Variants in TACR3 observed in about 807,000 individuals in gnomAD.
TACR3 encodes the protein neuromedin-K receptor.
In TACR3, 34 loss-of-function variants were observed where a neutral mutation model predicts 35.0. The observed-to-expected ratio is 0.97, with a 90% CI of 0.74 to 1.30. The LOEUF (loss-of-function observed/expected upper bound fraction) is 1.30, where lower values mean the gene tolerates loss of function less well. TACR3 is among the 50% of genes most tolerant of loss of function. TACR3 has a pLI of 0.00. For missense variants in TACR3, 558 were observed against 591.7 expected (o/e 0.94, Z 0.59); for synonymous variants, 233 against 221.1 (o/e 1.05, Z -0.48).
intron 3 of TACR3, among the ~76,000 whole-genome samples, chr4:103,634,182 C>A (rs1314729163): frequency 6.6e-6 from 1 of 152,104 alleles, no homozygotes; most frequent in Non-Finnish European, 1.5e-5. Flanking sequence ...TTTTATTAAT[C>A]TGTTATTAAC....
intron 1 of TACR3, among the ~76,000 whole-genome samples, chr4:103,662,454 A>C (rs1725853145): frequency 6.6e-6 from 1 of 152,108 alleles, no homozygotes; most frequent in African/African-American, 2.4e-5. Context: ...TCCTGACCTC[A>C]GGTGATCTGC....
At chr4:103,684,100 A>C (rs1722176352) in intron 1 of TACR3, among the ~76,000 whole-genome samples, 1 of 149,950 alleles carries the variant, frequency 6.7e-6, no homozygotes, top group Non-Finnish European at 1.5e-5. Context: ...AGAAATCTAC[A>C]AATAACCTAA....
chr4:103,663,779 A>G (rs1480408955), intron 1 of TACR3, among the ~76,000 whole-genome samples: 1 of 152,208 alleles, frequency 6.6e-6, no homozygotes. Context: ...CTATTTTGTA[A>G]CTTTCTTCAG....
intron 3 of TACR3, among the ~76,000 whole-genome samples, chr4:103,598,100 C>T (rs1193418329): frequency 6.6e-6 from 1 of 152,176 alleles, no homozygotes; most frequent in Non-Finnish European, 1.5e-5. Flanking sequence ...TTCTCCACAT[C>T]CTCTCCAGCA....
intron 3 of TACR3, among the ~76,000 whole-genome samples, chr4:103,650,610 T>C (rs1448625750): frequency 1.0e-5 from 1 of 97,512 alleles, no homozygotes; most frequent in Non-Finnish European, 1.8e-5. Flanking sequence ...ATAAAATATA[T>C]AAATATATTA....
intron 1 of TACR3, among the ~76,000 whole-genome samples, chr4:103,661,691 A>T (rs2110332129): frequency 1.3e-5 from 2 of 152,258 alleles, no homozygotes; most frequent in South Asian, 4.1e-4. Flanking sequence ...ACCTGTTAGA[A>T]ATTAATTTCT....
At position 103,656,257 on chromosome 4, in the gene TACR3, C is replaced by A. The variant is rs773353516; in HGVS notation, c.825G>T (p.Trp275Cys). The change falls in exon 3 of 5, where the codon TGG (tryptophan) becomes TGT (cysteine). Residue 275 changes from tryptophan to cysteine, a missense_variant. Trp to Cys is a radical substitution (Grantham distance 215, BLOSUM62 -2). Coordinates refer to ENST00000304883, the MANE Select transcript of TACR3 (RefSeq NM_001059.3). ...AGGTATCTCCTGGGATTTCTCCTCC[C>A]CAGAGAGTAATTCCAACAATGGTGT... ...ITYTIVGITL[W>C]GGEIPGDTCD... 1 of 1,612,926 alleles carries A rather than the reference C, an allele frequency of 6.2e-7. No individual in the cohort carries two copies. The highest frequency in any genetic ancestry group is 8.5e-7 in the Non-Finnish European group (1 of 1,179,282).
chr4:103,622,866 G>A (rs993173572), intron 3 of TACR3, among the ~76,000 whole-genome samples: 1 of 152,134 alleles, frequency 6.6e-6, no homozygotes, highest in Non-Finnish European at 1.5e-5. Context: ...GGAGACTAAT[G>A]TCAAGGTGGT....
chr4:103,716,983 A>G (rs1723105633), intron 1 of TACR3, among the ~76,000 whole-genome samples: 1 of 152,168 alleles, frequency 6.6e-6, no homozygotes, highest in African/African-American at 2.4e-5. Flanking sequence ...TATAAAATAT[A>G]TCCTATAAAA....
intron 3 of TACR3, among the ~76,000 whole-genome samples, chr4:103,629,848 AAC>A (rs1308587266): frequency 0.016 from 1,794 of 113,406 alleles, 62 homozygotes; most frequent in African/African-American, 0.046. Flanking sequence ...TCCTAAGCAA[AAC>A]AAAAAAAAAA....
chr4:103,621,861 G>T (rs1156651447), intron 3 of TACR3, among the ~76,000 whole-genome samples: 1 of 152,178 alleles, frequency 6.6e-6, no homozygotes, highest in Non-Finnish European at 1.5e-5. Flanking sequence ...ATCTAGATAT[G>T]GGCATAATAC....
At chr4:103,595,634 G>T (rs1723989172) in intron 3 of TACR3, among the ~76,000 whole-genome samples, 2 of 151,770 alleles carry the variant, frequency 1.3e-5, no homozygotes, top group South Asian at 4.2e-4. Flanking sequence ...TTTGAGGTTT[G>T]GGTTGTAAAA....
chr4:103,654,758 T>C (rs1379292203), intron 3 of TACR3, among the ~76,000 whole-genome samples: 1 of 150,898 alleles, frequency 6.6e-6, no homozygotes, highest in Admixed American at 6.6e-5. Flanking sequence ...TATAGAGAAA[T>C]TATTCTGAAA....
At chr4:103,641,871 G>C (rs1321586562) in intron 3 of TACR3, among the ~76,000 whole-genome samples, 1 of 151,834 alleles carries the variant, frequency 6.6e-6, no homozygotes, top group Non-Finnish European at 1.5e-5. Flanking sequence ...TATAAGCCAG[G>C]CACAGAAAGG....
intron 3 of TACR3, among the ~76,000 whole-genome samples, chr4:103,598,372 G>T (rs1409441242): frequency 6.6e-6 from 1 of 152,144 alleles, no homozygotes; most frequent in Non-Finnish European, 1.5e-5. Flanking sequence ...CAGATAAGTA[G>T]GTTGCAAAAA....
intron 3 of TACR3, among the ~76,000 whole-genome samples, chr4:103,610,209 G>A (rs1724481901): frequency 6.6e-6 from 1 of 151,922 alleles, no homozygotes; most frequent in Non-Finnish European, 1.5e-5. Context: ...TATCCATAAA[G>A]GCTGTACTAG....
intron 3 of TACR3, among the ~76,000 whole-genome samples, chr4:103,628,944 A>T (rs1724979742): frequency 1.3e-5 from 2 of 152,182 alleles, no homozygotes; most frequent in African/African-American, 4.8e-5. Context: ...AACCACCACA[A>T]TCAAGTCAGC....
chr4:103,619,300 C>A (rs1217560865), intron 3 of TACR3, among the ~76,000 whole-genome samples: 1 of 152,144 alleles, frequency 6.6e-6, no homozygotes, highest in Non-Finnish European at 1.5e-5. Context: ...AGCAATTCTC[C>A]TGCCCCAGCC....
intron 1 of TACR3, among the ~76,000 whole-genome samples, chr4:103,699,987 C>A (rs771847764): frequency 6.6e-6 from 1 of 152,106 alleles, no homozygotes; most frequent in Non-Finnish European, 1.5e-5. Flanking sequence ...GCCATATCTA[C>A]TTTGTTTATT....
Sources: gnomAD v4.1 joint callset for allele counts (sites outside exome capture counted in the v4.1 genomes callset) on GRCh38, gnomAD v4.1.1 for gene constraint, MANE v1.5 for transcripts, NCBI Gene and HGNC (gene_info 2026-07-23, HGNC 2026-07-21) for gene names.